Variants in CATSPERT observed in about 807,000 individuals in gnomAD.
CATSPERT encodes cation channel sperm-associated targeting subunit tau.
the CATSPERT span, among the ~76,000 whole-genome samples, chr2:201,528,068 GA>G: frequency 0.073 from 10,148 of 138,954 alleles, 464 homozygotes; most frequent in African/African-American, 0.15. Context: ...AGCAAAAAGC[GA>G]AAAAAAAAAA....
chr2:201,574,273 A>T, the CATSPERT span: 1 of 1,600,816 alleles, frequency 6.2e-7, no homozygotes, highest in Non-Finnish European at 8.5e-7. Flanking sequence ...CAGCCTGCAG[A>T]CAAACTAAAC....
At chr2:201,565,855 T>A in the CATSPERT span, 1 of 1,589,920 alleles carries the variant, frequency 6.3e-7, no homozygotes, top group Admixed American at 1.9e-5. Flanking sequence ...TTCTACTGTC[T>A]GTGGTGTAAT....
At chr2:201,596,248 A>C in the CATSPERT span, among the ~76,000 whole-genome samples, 1 of 152,242 alleles carries the variant, frequency 6.6e-6, no homozygotes, top group Non-Finnish European at 1.5e-5. Context: ...TGCAGCCATA[A>C]AAAAGATGGA....
At chr2:201,506,364 C>G in the CATSPERT span, among the ~76,000 whole-genome samples, 3 of 152,096 alleles carry the variant, frequency 2.0e-5, no homozygotes, top group East Asian at 5.8e-4. Flanking sequence ...AATAGATGTA[C>G]AAAATTCCTA....
chr2:201,541,673 G>A, the CATSPERT span, among the ~76,000 whole-genome samples: 1 of 150,380 alleles, frequency 6.6e-6, no homozygotes. Context: ...TCAGCTTACT[G>A]CAACCTCCAC....
the CATSPERT span, among the ~76,000 whole-genome samples, chr2:201,538,621 G>A: frequency 6.6e-6 from 1 of 151,932 alleles, no homozygotes; most frequent in African/African-American, 2.4e-5. Context: ...TGTAATTGTT[G>A]AGGGGCACCA....
At chr2:201,495,621 A>G in the CATSPERT span, among the ~76,000 whole-genome samples, 1 of 151,934 alleles carries the variant, frequency 6.6e-6, no homozygotes. Flanking sequence ...TAATGGATGC[A>G]ACTTATTGTA....
At chr2:201,561,363 A>G in the CATSPERT span, among the ~76,000 whole-genome samples, 10 of 152,188 alleles carry the variant, frequency 6.6e-5, no homozygotes, top group Non-Finnish European at 1.5e-4. Flanking sequence ...TTTTTAAAAA[A>G]ATTAATTTTC....
chr2:201,493,895 C>T, the CATSPERT span: 2 of 1,537,112 alleles, frequency 1.3e-6, no homozygotes, highest in Non-Finnish European at 1.7e-6. Context: ...TGTTCTTCTA[C>T]CTCTGGAGAT....
At chr2:201,553,275 C>G in the CATSPERT span, 1 of 152,158 alleles carries the variant, frequency 6.6e-6, no homozygotes, top group Non-Finnish European at 1.5e-5. Flanking sequence ...CCCAAGTACA[C>G]CATAGCTTAA....
chr2:201,537,338 G>T, the CATSPERT span: 1 of 986,754 alleles, frequency 1.0e-6, no homozygotes, highest in South Asian at 1.9e-5. Flanking sequence ...GTAACTTCTT[G>T]GATGCCTTTC....
At chr2:201,547,367 C>T in the CATSPERT span, 1 of 501,066 alleles carries the variant, frequency 2.0e-6, no homozygotes, top group South Asian at 3.1e-5. Context: ...ATTATCAAAA[C>T]AGGTAAGTAC....
the CATSPERT span, chr2:201,565,682 A>G: frequency 1.3e-6 from 2 of 1,489,968 alleles, no homozygotes; most frequent in Non-Finnish European, 1.8e-6. Flanking sequence ...AACACCTAAG[A>G]TGAAAATTTT....
chr2:201,590,136 TC>T, the CATSPERT span, among the ~76,000 whole-genome samples: 1 of 132,972 alleles, frequency 7.5e-6, no homozygotes, highest in Non-Finnish European at 1.6e-5. Context: ...CCCTCCCTCC[TC>T]CCCCCACCCC....
chr2:201,574,062 C>G, the CATSPERT span: 5 of 477,126 alleles, frequency 1.0e-5, no homozygotes, highest in African/African-American at 1.0e-4. Flanking sequence ...TGAAGAGAAG[C>G]CCACATACCT....
chr2:201,565,078 T>G, the CATSPERT span, among the ~76,000 whole-genome samples: 1 of 147,690 alleles, frequency 6.8e-6, no homozygotes. Flanking sequence ...GACTGAAGCA[T>G]AGCAAAAAAA....
At chr2:201,534,821 T>C in the CATSPERT span, 4 of 860,842 alleles carry the variant, frequency 4.6e-6, no homozygotes, top group Non-Finnish European at 5.6e-6. Context: ...ATGAAAACTG[T>C]TTAAAAACTT....
chr2:201,508,369 A>G, the CATSPERT span, among the ~76,000 whole-genome samples: 4 of 152,268 alleles, frequency 2.6e-5, no homozygotes, highest in South Asian at 2.1e-4. Flanking sequence ...TAAAAATTAT[A>G]TAAATGAAGA....
chr2:201,524,314 A>G, the CATSPERT span, among the ~76,000 whole-genome samples: 1 of 152,334 alleles, frequency 6.6e-6, no homozygotes, highest in East Asian at 1.9e-4. Flanking sequence ...TTGGGAGCCT[A>G]TACTCAACAA....
Sources: allele counts gnomAD v4.1 joint callset (sites outside exome capture counted in the v4.1 genomes callset), GRCh38; gene constraint gnomAD v4.1.1; transcripts MANE v1.5; gene names NCBI Gene and HGNC (gene_info 2026-07-23, HGNC 2026-07-21).